The following ATP8A2 variants were observed in gnomAD, a reference collection of about 807,000 sequenced individuals.
ATP8A2 encodes ATPase phospholipid transporting 8A2, also known as phospholipid-transporting ATPase IB.
Under a neutral mutation model 165.6 loss-of-function variants are expected in ATP8A2, and 100 were observed. The observed-to-expected ratio is 0.60, with a 90% CI of 0.51 to 0.71. The LOEUF (loss-of-function observed/expected upper bound fraction) is 0.71. ATP8A2 is among the 30% of genes least tolerant of loss of function. The probability of loss-of-function intolerance (pLI) is 0.00; values close to 1 mark genes in which losing one functional copy is unlikely to be tolerated. For synonymous variants in ATP8A2, 543 were observed against 548.8 expected (o/e 0.99, Z 0.15); for missense variants, 1,227 against 1,479.5 (o/e 0.83, Z 2.80).
chr13:25,584,780 T>C (rs2039875374), intron 23 of ATP8A2, among the ~76,000 whole-genome samples: 1 of 152,224 alleles, frequency 6.6e-6, no homozygotes, highest in Non-Finnish European at 1.5e-5. Flanking sequence ...AGAATGGTAC[T>C]ACATTTCATC....
chr13:26,012,417 C>A, intron 35 of ATP8A2, 114 bp from the exon 36 acceptor site: 2 of 822,516 alleles, frequency 2.4e-6, no homozygotes, highest in Non-Finnish European at 3.9e-6. Flanking sequence ...AGCACCACGC[C>A]TTACCCGACG....
Position 25,769,029 on chromosome 13 carries a change from C to T in ATP8A2, c.2385-17C>T. On this transcript the variant is annotated splice_polypyrimidine_tract_variant and intron_variant, in intron 25 of 36. Coordinates refer to ENST00000381655, the MANE Select transcript of ATP8A2 (RefSeq NM_016529.6). ...GAAAGACATGCATAGCTCTGATTTCCCTCTCTTTTCTCACAGAGTGTCTCC... is the reference window on the plus strand; with the variant it reads ...GAAAGACATGCATAGCTCTGATTTCTCTCTCTTTTCTCACAGAGTGTCTCC... 1 of 1,612,902 alleles carries T rather than the reference C, an allele frequency of 6.2e-7. No individual in the cohort carries two copies. The highest frequency in any genetic ancestry group is 1.1e-5 in the South Asian group (1 of 91,046).
chr13:25,528,006 G>T (rs2037896617), intron 2 of ATP8A2, among the ~76,000 whole-genome samples: 1 of 152,200 alleles, frequency 6.6e-6, no homozygotes, highest in Non-Finnish European at 1.5e-5. Flanking sequence ...TCAGTGGTCA[G>T]GATTGCTGTA....
intron 24 of ATP8A2, among the ~76,000 whole-genome samples, chr13:25,620,020 G>A (rs112833221): frequency 0.018 from 2,686 of 152,238 alleles, 89 homozygotes; most frequent in African/African-American, 0.06. Flanking sequence ...GAAGTTTACC[G>A]AGCTTGATCA....
intron 1 of ATP8A2, among the ~76,000 whole-genome samples, chr13:25,381,759 G>A (rs2032845185): frequency 6.6e-6 from 1 of 150,506 alleles, no homozygotes. Flanking sequence ...CTACGCGTGG[G>A]TATAGAGTGT....
rs1389080458 is a variant in ATP8A2, at chr13:25,953,020, A to G, written c.3184-8555A>G. Among the ~76,000 whole-genome samples the G allele has an allele frequency of 6.6e-6, 1 of 152,216 alleles. No individual in the cohort carries two copies. The highest frequency in any genetic ancestry group is 6.5e-5 in the Admixed American group (1 of 15,288). On this transcript the variant is annotated intron_variant, in intron 33 of 36. Coordinates refer to ENST00000381655, the MANE Select transcript of ATP8A2 (RefSeq NM_016529.6). The surrounding 1 kb of genome is among the most constrained non-coding windows in gnomAD (Gnocchi z 6.7). ...ATGGAAAGAAATTTTAGGAGGCAAC[A>G]CTGAGGGGCAAGGAGGGCTGAGAAG...
At chr13:25,542,384 ATT>A (rs61662955) in intron 9 of ATP8A2, among the ~76,000 whole-genome samples, 48 of 135,008 alleles carry the variant, frequency 3.6e-4, no homozygotes, top group African/African-American at 4.6e-4. Context: ...GTGTATGTGT[ATT>A]TTTTTTTTTT....
intron 33 of ATP8A2, among the ~76,000 whole-genome samples, chr13:25,898,033 C>T (rs535599630): frequency 2.0e-5 from 3 of 152,328 alleles, no homozygotes; most frequent in South Asian, 4.1e-4. Flanking sequence ...CCTCTCTCAA[C>T]TCGTCAAAGT....
intron 23 of ATP8A2, among the ~76,000 whole-genome samples, chr13:25,586,125 G>A (rs963418091): frequency 2.0e-5 from 3 of 152,290 alleles, no homozygotes; most frequent in Admixed American, 6.5e-5. Context: ...CCCTTTTAAA[G>A]ATAAAACTGA....
chr13:26,020,330 A>G lies in ATP8A2; in HGVS notation c.*345A>G. The G allele has an allele frequency of 4.1e-6, 1 of 245,258 alleles. No individual in the cohort carries two copies. The highest frequency in any genetic ancestry group is 1.1e-4 in the East Asian group (1 of 9,130). 15.2% of individuals were successfully genotyped at this position (245,258 alleles called of 1,614,324 possible). A position where few individuals can be genotyped will look rare whatever the true frequency, so the allele number is the denominator to read the frequency against. On this transcript the variant is annotated 3_prime_UTR_variant, in exon 37 of 37. Transcript: ENST00000381655. ...ACTAGTTGTCCTGGGAGAAAGGGAA[A>G]GGAGTTTTATGTTGCGTGAGAGGCC... is the stretch of plus-strand genomic sequence containing the variant.
At chr13:25,648,187 G>A (rs1361638165) in intron 24 of ATP8A2, among the ~76,000 whole-genome samples, 3 of 151,874 alleles carry the variant, frequency 2.0e-5, no homozygotes, top group Admixed American at 2.0e-4. Flanking sequence ...CAGATTAATT[G>A]AGCCTGGTGT....
At chr13:25,720,454 G>A (rs1028531222) in intron 25 of ATP8A2, among the ~76,000 whole-genome samples, 2 of 152,000 alleles carry the variant, frequency 1.3e-5, no homozygotes, top group African/African-American at 2.4e-5. Flanking sequence ...GAGCCACTGC[G>A]CCTGGCCACA....
At chr13:25,963,750 G>C (rs754104576) in intron 34 of ATP8A2, among the ~76,000 whole-genome samples, 1 of 152,192 alleles carries the variant, frequency 6.6e-6, no homozygotes, top group East Asian at 1.9e-4. Flanking sequence ...AGATTACAAA[G>C]TGTCTGTGCT....
intron 33 of ATP8A2, among the ~76,000 whole-genome samples, chr13:25,947,268 C>T (rs932217486): frequency 3.9e-5 from 6 of 152,122 alleles, no homozygotes; most frequent in Admixed American, 1.3e-4. Context: ...AATGAAATAT[C>T]TCATATTCAG....
At chr13:25,863,989 A>G (rs753145845) in intron 33 of ATP8A2, among the ~76,000 whole-genome samples, 85 of 152,260 alleles carry the variant, frequency 5.6e-4, no homozygotes, top group Non-Finnish European at 1.2e-3. Context: ...TTTTGTGTTT[A>G]AATAAATCAG....
chr13:25,523,135 A>G (rs2037724105), intron 2 of ATP8A2, among the ~76,000 whole-genome samples: 1 of 151,398 alleles, frequency 6.6e-6, no homozygotes. Flanking sequence ...AAAAAAAAAG[A>G]ATTTTTTCAT....
At chr13:25,384,522 A>G (rs2032969974) in intron 1 of ATP8A2, among the ~76,000 whole-genome samples, 1 of 152,150 alleles carries the variant, frequency 6.6e-6, no homozygotes, top group African/African-American at 2.4e-5. Context: ...CCATTTTTGA[A>G]GAATTCTTGT....
chr13:25,550,725 C>CTCTT (rs1273160641), intron 10 of ATP8A2, among the ~76,000 whole-genome samples: 1 of 152,202 alleles, frequency 6.6e-6, no homozygotes, highest in Admixed American at 6.5e-5. Flanking sequence ...CCCTTCCTGA[C>CTCTT]TCTTCTTGGT....
intron 33 of ATP8A2, among the ~76,000 whole-genome samples, chr13:25,890,742 A>G (rs903371441): frequency 1.3e-5 from 2 of 152,232 alleles, no homozygotes; most frequent in Non-Finnish European, 2.9e-5. Context: ...TTTTATTGCT[A>G]GAAATGAATA....
Sources: gnomAD v4.1 joint callset for allele counts (sites outside exome capture counted in the v4.1 genomes callset) on GRCh38, gnomAD v4.1.1 for gene constraint, Gnocchi (gnomAD v3.1) non-coding constraint, MANE v1.5 for transcripts, NCBI Gene and HGNC (gene_info 2026-07-23, HGNC 2026-07-21) for gene names.